The following PDE12 variants were observed in gnomAD, a reference collection of about 807,000 sequenced individuals.
PDE12 encodes the protein phosphodiesterase 12.
Under a neutral mutation model 45.4 loss-of-function variants are expected in PDE12, and 26 were observed. The observed-to-expected ratio is 0.57, with a 90% confidence interval of 0.42 to 0.79. The LOEUF is 0.79. Among genes scored for constraint, PDE12 ranks in the 30% least tolerant of loss-of-function variants. The pLI is 0.00. For synonymous variants in PDE12, 283 were observed against 323.9 expected (o/e 0.87, Z 1.36); for missense variants, 668 against 790.0 (o/e 0.85, Z 1.85).
At chr3:57,591,141 G>A in the PDE12 span, among the ~76,000 whole-genome samples, 1 of 152,172 alleles carries the variant, frequency 6.6e-6, no homozygotes, top group Non-Finnish European at 1.5e-5. Flanking sequence ...AAACGAGGAT[G>A]TAAAATGGAA....
At chr3:57,604,347 T>G in the PDE12 span, among the ~76,000 whole-genome samples, 1 of 152,302 alleles carries the variant, frequency 6.6e-6, no homozygotes, top group South Asian at 2.1e-4. Context: ...TAATACTGTC[T>G]TCATGGTAAA....
At chr3:57,601,409 TCTGA>T in the PDE12 span, among the ~76,000 whole-genome samples, 2 of 152,122 alleles carry the variant, frequency 1.3e-5, no homozygotes, top group Admixed American at 6.5e-5. Context: ...GCGCCCAGCC[TCTGA>T]CTATTTTTCT....
the PDE12 span, among the ~76,000 whole-genome samples, chr3:57,582,285 C>T: frequency 1.3e-5 from 2 of 152,040 alleles, no homozygotes; most frequent in African/African-American, 4.8e-5. Flanking sequence ...CTTTGTCACC[C>T]ATGCTGGAGT....
At chr3:57,638,715 G>A in the PDE12 span, among the ~76,000 whole-genome samples, 2 of 151,790 alleles carry the variant, frequency 1.3e-5, no homozygotes, top group Non-Finnish European at 2.9e-5. Flanking sequence ...ACAATGGAAA[G>A]ATACTCAATA....
chr3:57,564,164 A>G lies in PDE12; in HGVS notation c.*4160A>G, dbSNP rs7631048. On this transcript the variant is annotated 3_prime_UTR_variant, in exon 3 of 3. Coordinates refer to ENST00000311180, the MANE Select transcript of PDE12 (RefSeq NM_177966.7). Reference sequence around the variant, plus strand: ...GGCTGGTCTTGAACTCCTGAACTCAAGTGATCTGCCTGCCTCAGCCTCTGA... The same window carrying G: ...GGCTGGTCTTGAACTCCTGAACTCAGGTGATCTGCCTGCCTCAGCCTCTGA... 0.39 allele frequency: 58,791 copies of G among 151,952 alleles called. 13,203 individuals carry two copies. Among genetic ancestry groups the G allele is most frequent in the African/African-American group, 0.62 (25,609 of 41,440 alleles). The allele number at this position is 151,952 out of a possible 1,614,324, so 9.4% of individuals were successfully genotyped here.
chr3:57,581,629 C>G, the PDE12 span, among the ~76,000 whole-genome samples: 1 of 152,066 alleles, frequency 6.6e-6, no homozygotes, highest in African/African-American at 2.4e-5. Context: ...GGTGAAACCC[C>G]GTCTCTACTA....
rs565125728 is a variant in PDE12 at position 57,560,647 on chromosome 3, G to T, written c.*643G>T. ...GGCCCTTGTGTACATTTTTATAAGA[G>T]AATTTTTTTAGCTAGGAGTTCAGAA... On this transcript the variant is annotated 3_prime_UTR_variant, in exon 3 of 3. Transcript: ENST00000311180. The T allele has an allele frequency of 7.1e-6, 7 of 985,288 alleles. No homozygotes were observed. Among genetic ancestry groups the T allele is most frequent in the South Asian group, 9.4e-5 (2 of 21,282 alleles). 61.0% of individuals were successfully genotyped at this position (985,288 alleles called of 1,614,324 possible). A position where few individuals can be genotyped will look rare whatever the true frequency, so the allele number is the denominator to read the frequency against.
chr3:57,584,132 G>T, the PDE12 span: 1 of 750,394 alleles, frequency 1.3e-6, no homozygotes, highest in Non-Finnish European at 2.2e-6. Flanking sequence ...ATATATTTAA[G>T]CCTAAACATC....
At chr3:57,596,280 T>C in the PDE12 span, among the ~76,000 whole-genome samples, 2 of 152,236 alleles carry the variant, frequency 1.3e-5, no homozygotes, top group Non-Finnish European at 2.9e-5. Context: ...TTCAGTTACT[T>C]GAAAATTTAT....
the PDE12 span, among the ~76,000 whole-genome samples, chr3:57,612,205 C>T: frequency 1.5e-5 from 2 of 130,690 alleles, no homozygotes; most frequent in Non-Finnish European, 3.1e-5. Context: ...AACATTTGGA[C>T]ACAGGAAGGG....
downstream of PDE12, among the ~76,000 whole-genome samples, chr3:57,570,220 T>TTTTG (rs1553729005): frequency 2.0e-4 from 2 of 9,850 alleles, no homozygotes; most frequent in African/African-American, 1.3e-3. Flanking sequence ...TAATCCAGTG[T>TTTTG]TTTTTTTTTT....
chr3:57,567,841 A>G (rs1288546883), downstream of PDE12, among the ~76,000 whole-genome samples: 1 of 151,938 alleles, frequency 6.6e-6, no homozygotes, highest in Non-Finnish European at 1.5e-5. Context: ...TCACACCTGT[A>G]ATCCCACCTG....
the PDE12 span, among the ~76,000 whole-genome samples, chr3:57,617,033 C>A: frequency 1.4e-5 from 2 of 147,148 alleles, no homozygotes; most frequent in Middle Eastern, 4.4e-3. Context: ...CAAAACAAAA[C>A]AAAACAAGAA....
the PDE12 span, among the ~76,000 whole-genome samples, chr3:57,629,416 T>C: frequency 6.6e-6 from 1 of 150,938 alleles, no homozygotes; most frequent in African/African-American, 2.4e-5. Flanking sequence ...AAGCTAAATA[T>C]AAATGAAAGT....
Position 57,560,549 on chromosome 3 carries a change from C to G in PDE12, c.*545C>G, listed in dbSNP as rs1218882221. On this transcript the variant is annotated 3_prime_UTR_variant, in exon 3 of 3. Coordinates refer to ENST00000311180, the MANE Select transcript of PDE12 (RefSeq NM_177966.7). ...CCACGTTGGCCAGGCTGGTCTTGAACTCCTGACCTCAGGTGATCCACCCAC... is the reference window on the plus strand; with the variant it reads ...CCACGTTGGCCAGGCTGGTCTTGAAGTCCTGACCTCAGGTGATCCACCCAC... 1.6e-6 allele frequency: 1 copy of G among 641,064 alleles called. No homozygotes were observed. Among genetic ancestry groups the G allele is most frequent in the Non-Finnish European group, 1.9e-6 (1 of 516,006 alleles). The allele number at this position is 641,064 out of a possible 1,614,324, so 39.7% of individuals were successfully genotyped here.
the PDE12 span, among the ~76,000 whole-genome samples, chr3:57,573,384 A>G: frequency 2.0e-5 from 3 of 152,152 alleles, no homozygotes; most frequent in Non-Finnish European, 4.4e-5. Flanking sequence ...AACAATTTAC[A>G]TTTAAGGCAT....
the PDE12 span, among the ~76,000 whole-genome samples, chr3:57,613,957 A>C: frequency 2.0e-5 from 3 of 151,850 alleles, no homozygotes; most frequent in African/African-American, 7.3e-5. Flanking sequence ...TAAGAGTGTA[A>C]GTATGGAAAA....
the PDE12 span, among the ~76,000 whole-genome samples, chr3:57,622,717 G>A: frequency 6.6e-6 from 1 of 152,062 alleles, no homozygotes; most frequent in Non-Finnish European, 1.5e-5. Context: ...TAAAAAATGT[G>A]TTATACCCAT....
the PDE12 span, among the ~76,000 whole-genome samples, chr3:57,623,051 T>C: frequency 6.6e-6 from 1 of 152,204 alleles, no homozygotes; most frequent in Non-Finnish European, 1.5e-5. Flanking sequence ...CTTATCAAAT[T>C]ATACACTTTA....
Sources: allele counts gnomAD v4.1 joint callset (sites outside exome capture counted in the v4.1 genomes callset), GRCh38; gene constraint gnomAD v4.1.1; transcripts MANE v1.5; gene names NCBI Gene and HGNC (gene_info 2026-07-23, HGNC 2026-07-21).